SLC25A4: variants seen among roughly 807,000 people sequenced by gnomAD.
SLC25A4 encodes the protein ADP/ATP translocase 1.
A neutral mutation model predicts 24.7 loss-of-function variants in SLC25A4; 10 were observed. That is an observed-to-expected ratio of 0.41 (90% CI 0.25 to 0.69). SLC25A4 has a LOEUF of 0.69. SLC25A4 is among the 30% of genes least tolerant of loss of function. SLC25A4 has a pLI of 0.35. For synonymous variants in SLC25A4, 125 were observed against 153.3 expected, an observed-to-expected ratio of 0.82 and a Z score of 1.36; for missense variants, 273 against 387.6, an observed-to-expected ratio of 0.70 and a Z score of 2.48.
Position 185,145,473 on chromosome 4 carries a change from G to A in SLC25A4, c.598+223G>A, listed in dbSNP as rs1018277104. ...GCCTTTAGTTATTCAGAGAGGAGGAGGGGGGAGCCTGTCTCCCTCTAGACA... is the reference window on the plus strand; with the variant it reads ...GCCTTTAGTTATTCAGAGAGGAGGAAGGGGGAGCCTGTCTCCCTCTAGACA... On this transcript the variant is annotated intron_variant, in intron 2 of 3. Transcript: ENST00000281456. This position sits in a 1 kb window ranked among gnomAD's most constrained non-coding sequence, Gnocchi z 5.5. 12 of 727,234 alleles carry A rather than the reference G, an allele frequency of 1.7e-5. No individual in the cohort carries two copies. Among genetic ancestry groups the A allele is most frequent in the Non-Finnish European group, 2.7e-5 (12 of 451,676 alleles). The allele number at this position is 727,234 out of a possible 1,614,324, so 45.0% of individuals were successfully genotyped here.
chr4:185,147,596 G>C lies in SLC25A4; in HGVS notation c.*625G>C, dbSNP rs1241417074. ...TGCTAAAAGTTTTAAATCACAATCT[G>C]GAGAATTTTCTATGATTAGGAAGTG... is the stretch of plus-strand genomic sequence containing the variant. On this transcript the variant is annotated 3_prime_UTR_variant, in exon 4 of 4. Transcript: ENST00000281456. The C allele has an allele frequency of 1.3e-5, 2 of 152,576 alleles. No homozygotes were observed. Among genetic ancestry groups the C allele is most frequent in the African/African-American group, 4.8e-5 (2 of 41,400 alleles). 9.5% of individuals were successfully genotyped at this position (152,576 alleles called of 1,614,324 possible).
intron 1 of SLC25A4, among the ~76,000 whole-genome samples, 137 bp from the exon 2 acceptor site, chr4:185,144,606 ACAGTATCCATTTACACGTCCT>A (rs1734404048): frequency 6.6e-6 from 1 of 152,152 alleles, no homozygotes; most frequent in African/African-American, 2.4e-5. Flanking sequence ...AACATGGATA[ACAGTATCCATTTACACGTCCT>A]CAGTATCCAT....
rs1560840979 is a variant in SLC25A4 at position 185,143,378 on chromosome 4, T to C, written c.6T>C (p.Gly2=). The C allele has an allele frequency of 6.6e-7, 1 of 1,526,252 alleles. No homozygotes were observed. Among genetic ancestry groups the C allele is most frequent in the Non-Finnish European group, 8.8e-7 (1 of 1,131,944 alleles). 94.5% of individuals were successfully genotyped at this position (1,526,252 alleles called of 1,614,324 possible). A position where few individuals can be genotyped will look rare whatever the true frequency, so the allele number is the denominator to read the frequency against. M[G]DHAWSFLKDF... is the part of the protein sequence containing the mutation. ...GAGAGCGTCGAGCTGTCACCATGGG[T>C]GATCACGCTTGGAGCTTCCTAAAGG... Residue 2 remains glycine, a synonymous_variant, in exon 1 of 4, where the codon GGT becomes GGC. Coordinates refer to ENST00000281456, the MANE Select transcript of SLC25A4 (RefSeq NM_001151.4).
rs1303207154 is a variant in SLC25A4 at position 185,144,943 on chromosome 4, G to A, written c.291G>A (p.Gln97=). ...TCGCCTTCAAGGACAAGTACAAGCA[G>A]CTCTTCTTAGGGGGTGTGGATCGGC... ...LNFAFKDKYK[Q]LFLGGVDRHK... is the part of the protein sequence containing the mutation. The change falls in exon 2 of 4, where the codon CAG becomes CAA. Residue 97 remains glutamine, a synonymous_variant. Transcript: ENST00000281456. 2 of 1,614,212 alleles carry A rather than the reference G, an allele frequency of 1.2e-6. No homozygotes were observed. Among genetic ancestry groups the A allele is most frequent in the Non-Finnish European group, 8.5e-7 (1 of 1,180,044 alleles).
Position 185,147,669 on chromosome 4 carries a change from TAAGTA to T in SLC25A4, c.*699_*703del. The stretch of plus-strand genomic sequence containing the variant: ...AACTGTGACACCTAGAATTTTATGT[TAAGTA>T]GAGAGTATTCATTGAAAATCAAGGC... On this transcript the variant is annotated 3_prime_UTR_variant, in exon 4 of 4. Transcript: ENST00000281456. 2 of 152,460 alleles carry T rather than the reference TAAGTA, an allele frequency of 1.3e-5. No homozygotes were observed. The highest frequency in any genetic ancestry group is 2.1e-4 in the South Asian group (1 of 4,830). The allele number at this position is 152,460 out of a possible 1,614,324, so 9.4% of individuals were successfully genotyped here.
rs1163370797 is a variant in SLC25A4, at chr4:185,145,007, TC to T, written c.357del (p.Gly120ValfsTer51). 6.2e-7 allele frequency: 1 copy of T among 1,614,214 alleles called. No individual in the cohort carries two copies. Among genetic ancestry groups the T allele is most frequent in the Admixed American group, 1.7e-5 (1 of 60,028 alleles). Reference protein sequence around the residue: ...FWRYFAGNLASGGAAGATSLC... With the variant: ...FWRYFAGNLAXGGAAGATSLC... ...GCGCTACTTTGCTGGTAACCTGGCG[TC>T]CGGTGGGGCCGCTGGGGCCACCTCC... On this transcript the variant is annotated frameshift_variant, in exon 2 of 4. Transcript: ENST00000281456. LOFTEE classifies it high-confidence loss of function. The surrounding 1 kb of genome is among the most constrained non-coding windows in gnomAD (Gnocchi z 5.5).
rs967752941 is a variant in SLC25A4, at chr4:185,145,788, A to G, written c.628A>G (p.Ile210Val). The G allele has an allele frequency of 3.1e-6, 5 of 1,614,062 alleles. No homozygotes were observed. Among genetic ancestry groups the G allele is most frequent in the Non-Finnish European group, 4.2e-6 (5 of 1,180,036 alleles). Residue 210 changes from isoleucine (I) to valine (V), a missense_variant, in exon 3 of 4, where the codon ATT becomes GTT. By Grantham distance (29) the Ile-to-Val change is conservative. Transcript: ENST00000281456. The surrounding 1 kb of genome is among the most constrained non-coding windows in gnomAD (Gnocchi z 5.5). Reference protein sequence around the residue: ...GMLPDPKNVHIFVSWMIAQSV... With the variant: ...GMLPDPKNVHVFVSWMIAQSV... ...GCTGCCTGACCCCAAGAACGTGCAC[A>G]TTTTTGTGAGCTGGATGATTGCCCA... is the stretch of plus-strand genomic sequence containing the variant.
Position 185,147,131 on chromosome 4 carries a change from C to A in SLC25A4, c.*160C>A. ...CAGAAGAGATGCTTCATTGAGTGTTCATTAAACCACACATGTATTTTGTAT... is the reference window on the plus strand; with the variant it reads ...CAGAAGAGATGCTTCATTGAGTGTTAATTAAACCACACATGTATTTTGTAT... On this transcript the variant is annotated 3_prime_UTR_variant, in exon 4 of 4. Transcript: ENST00000281456. 1.6e-6 allele frequency: 1 copy of A among 612,652 alleles called. No individual in the cohort carries two copies. Among genetic ancestry groups the A allele is most frequent in the Non-Finnish European group, 2.9e-6 (1 of 348,524 alleles). 38.0% of individuals were successfully genotyped at this position (612,652 alleles called of 1,614,324 possible). A position where few individuals can be genotyped will look rare whatever the true frequency, so the allele number is the denominator to read the frequency against.
At position 185,146,924 on chromosome 4, in the gene SLC25A4, G is replaced by A. The variant is rs756745748; in HGVS notation, c.850G>A (p.Gly284Ser). 3.7e-6 allele frequency: 6 copies of A among 1,613,994 alleles called. No individual in the cohort carries two copies. Among genetic ancestry groups the A allele is most frequent in the Non-Finnish European group, 5.1e-6 (6 of 1,180,036 alleles). The stretch of plus-strand genomic sequence containing the variant: ...GTCCAATGTGCTGAGAGGCATGGGC[G>A]GTGCTTTTGTATTGGTGTTGTATGA... Reference protein sequence around the residue: ...AWSNVLRGMGGAFVLVLYDEI... With the variant: ...AWSNVLRGMGSAFVLVLYDEI... Residue 284 changes from glycine to serine, a missense_variant, in exon 4 of 4, where the codon GGT becomes AGT. Gly to Ser is a moderately conservative substitution (Grantham distance 56). Coordinates refer to ENST00000281456, the MANE Select transcript of SLC25A4 (RefSeq NM_001151.4).
Position 185,143,289 on chromosome 4 carries a change from C to T in SLC25A4, c.-84C>T, listed in dbSNP as rs183128370. ...GCGGCCCCCTAGCGTCGCGCAGGGT[C>T]GGGGACTGCGCGGCGGTGCCAGGCC... On this transcript the variant is annotated 5_prime_UTR_variant, in exon 1 of 4. Coordinates refer to ENST00000281456, the MANE Select transcript of SLC25A4 (RefSeq NM_001151.4). The T allele has an allele frequency of 1.3e-4, 98 of 749,202 alleles. No individual in the cohort carries two copies. Among genetic ancestry groups the T allele is most frequent in the South Asian group, 3.8e-4 (24 of 63,994 alleles). The allele number at this position is 749,202 out of a possible 1,614,324, so 46.4% of individuals were successfully genotyped here.
In SLC25A4 at chr4:185,145,046, T is replaced by C. The variant is rs1560841845; in HGVS notation, c.394T>C (p.Tyr132His). 1 of 1,614,158 alleles carries C rather than the reference T, an allele frequency of 6.2e-7. No homozygotes were observed. The highest frequency in any genetic ancestry group is 1.7e-5 in the Admixed American group (1 of 60,026). Residue 132 changes from tyrosine (Y) to histidine (H), a missense_variant, in exon 2 of 4, where the codon TAC (tyrosine) becomes CAC (histidine). Physicochemically the swap from Tyr to His is moderately conservative, Grantham distance 83 (BLOSUM62 2). Coordinates refer to ENST00000281456, the MANE Select transcript of SLC25A4 (RefSeq NM_001151.4). This position sits in a 1 kb window ranked among gnomAD's most constrained non-coding sequence, Gnocchi z 5.5. ...AAGATSLCFV[Y>H]PLDFARTRLA... The stretch of plus-strand genomic sequence containing the variant: ...TGGGGCCACCTCCCTTTGCTTTGTC[T>C]ACCCGCTGGACTTTGCTAGGACCAG...
chr4:185,145,273 A>G lies in SLC25A4; in HGVS notation c.598+23A>G, dbSNP rs1463476811. ...AGGGTGAGAGAGGGGCATCGGGGAG[A>G]AGGAGGGTGGTGTGGAAAGAGGATC... On this transcript the variant is annotated intron_variant, in intron 2 of 3. Coordinates refer to ENST00000281456, the MANE Select transcript of SLC25A4 (RefSeq NM_001151.4). This position sits in a 1 kb window ranked among gnomAD's most constrained non-coding sequence, Gnocchi z 5.5. The G allele has an allele frequency of 1.9e-6, 3 of 1,613,494 alleles. No homozygotes were observed. The highest frequency in any genetic ancestry group is 2.5e-6 in the Non-Finnish European group (3 of 1,180,006).
chr4:185,145,778 G>A lies in SLC25A4; in HGVS notation c.618G>A (p.Lys206=). ...CCACAGGGATGCTGCCTGACCCCAA[G>A]AACGTGCACATTTTTGTGAGCTGGA... ...DTAKGMLPDP[K]NVHIFVSWMI... The change falls in exon 3 of 4, where the codon AAG becomes AAA. Residue 206 remains lysine (K), a synonymous_variant. Transcript: ENST00000281456. This position sits in a 1 kb window ranked among gnomAD's most constrained non-coding sequence, Gnocchi z 5.5. 2 of 1,614,226 alleles carry A rather than the reference G, an allele frequency of 1.2e-6. No homozygotes were observed. Among genetic ancestry groups the A allele is most frequent in the African/African-American group, 1.3e-5 (1 of 75,072 alleles).
At chr4:185,144,699 TCTCCTGTCCTC>T in intron 1 of SLC25A4, 54 bp from the exon 2 acceptor site, 1 of 1,536,888 alleles carries the variant, frequency 6.5e-7, no homozygotes. Context: ...CCTTTTTTTT[TCTCCTGTCCTC>T]TTCCCTTCTC....
At chr4:185,143,505 A>AGGCGGGCGCGGGCGC in intron 1 of SLC25A4, 22 bp downstream of exon 1, 1 of 1,154,678 alleles carries the variant, frequency 8.7e-7, no homozygotes, top group Non-Finnish European at 1.1e-6. Flanking sequence ...GCGGTGCAAG[A>AGGCGGGCGCGGGCGC]GGCGGGCGCG....
At chr4:185,143,871 A>G (rs1297068749) in intron 1 of SLC25A4, among the ~76,000 whole-genome samples, 2 of 152,096 alleles carry the variant, frequency 1.3e-5, no homozygotes, top group Non-Finnish European at 1.5e-5. Context: ...AAAAACATCA[A>G]AATAATCATC....
In SLC25A4 at chr4:185,147,260, C is replaced by A. The variant is rs1734458421; in HGVS notation, c.*289C>A. 2 of 334,940 alleles carry A rather than the reference C, an allele frequency of 6.0e-6. No individual in the cohort carries two copies. The highest frequency in any genetic ancestry group is 1.1e-5 in the Non-Finnish European group (2 of 181,212). 20.7% of individuals were successfully genotyped at this position (334,940 alleles called of 1,614,324 possible). A position where few individuals can be genotyped will look rare whatever the true frequency, so the allele number is the denominator to read the frequency against. ...ACTGAATGTGAAACATCAATAAAGA[C>A]CACTTAATGCACGCTTTCTATTTTA... On this transcript the variant is annotated 3_prime_UTR_variant, in exon 4 of 4. Transcript: ENST00000281456.
intron 3 of SLC25A4, 111 bp downstream of exon 3, chr4:185,146,010 T>C: frequency 1.5e-6 from 2 of 1,311,914 alleles, no homozygotes; most frequent in South Asian, 1.3e-5. Flanking sequence ...AATTATTTGA[T>C]AAGGACTTAG....
chr4:185,144,632 A>G (rs1179996439), intron 1 of SLC25A4, 132 bp from the exon 2 acceptor site: 4 of 794,396 alleles, frequency 5.0e-6, no homozygotes, highest in Non-Finnish European at 6.3e-6. Flanking sequence ...CGTCCTCAGT[A>G]TCCATTTGAT....
Sources: allele counts gnomAD v4.1 joint callset (sites outside exome capture counted in the v4.1 genomes callset), GRCh38; gene constraint gnomAD v4.1.1; non-coding constraint Gnocchi (gnomAD v3.1); transcripts MANE v1.5; gene names NCBI Gene and HGNC (gene_info 2026-07-23, HGNC 2026-07-21).